The following CNTN5 variants were observed in gnomAD, a reference collection of about 807,000 sequenced individuals.
The protein encoded by CNTN5 is contactin 5.
A neutral mutation model predicts 129.1 loss-of-function variants in CNTN5; 77 were observed. The observed-to-expected ratio is 0.60, with a 90% CI of 0.50 to 0.72. The LOEUF (loss-of-function observed/expected upper bound fraction) is 0.72, where lower values mean the gene tolerates loss of function less well. Among genes scored for constraint, CNTN5 ranks in the 30% least tolerant of loss-of-function variants. The pLI, the probability that CNTN5 is intolerant of heterozygous loss-of-function variation, is 0.00. For synonymous variants in CNTN5, 509 were observed against 465.6 expected, an observed-to-expected ratio of 1.09 and a Z score of -1.20; for missense variants, 1,478 against 1,328.8, an observed-to-expected ratio of 1.11 and a Z score of -1.75.
intron 9 of CNTN5, among the ~76,000 whole-genome samples, chr11:100,046,004 T>C (rs1327027938): frequency 1.3e-5 from 2 of 151,998 alleles, no homozygotes; most frequent in African/African-American, 2.4e-5. Context: ...ATGTGCACAA[T>C]GTGCAGGTTA....
chr11:99,856,861 T>C (rs1375325813), intron 6 of CNTN5, among the ~76,000 whole-genome samples: 2 of 152,164 alleles, frequency 1.3e-5, no homozygotes, highest in African/African-American at 2.4e-5. Context: ...TCGTAAACTA[T>C]ATATATAGTC....
At chr11:99,361,715 A>C (rs1241973305) in intron 2 of CNTN5, among the ~76,000 whole-genome samples, 2 of 152,048 alleles carry the variant, frequency 1.3e-5, no homozygotes, top group East Asian at 3.8e-4. Context: ...TAGGTTCCTC[A>C]TATAAGTGGA....
intron 1 of CNTN5, among the ~76,000 whole-genome samples, chr11:99,282,345 G>C (rs77941198): frequency 0.094 from 14,344 of 152,008 alleles, 721 homozygotes; most frequent in Middle Eastern, 0.12. Flanking sequence ...GGTTCACTCA[G>C]AAGACAAGAT....
intron 3 of CNTN5, among the ~76,000 whole-genome samples, chr11:99,775,521 A>C (rs774482695): frequency 6.6e-5 from 10 of 152,044 alleles, no homozygotes; most frequent in Non-Finnish European, 7.4e-5. Context: ...AAACCTCATA[A>C]CTTTAAAAAA....
chr11:100,099,526 T>A (rs1200288781), intron 13 of CNTN5, among the ~76,000 whole-genome samples: 1 of 152,088 alleles, frequency 6.6e-6, no homozygotes. Context: ...TAAGGCATTT[T>A]ATAAAGTACT....
rs544171474 is a variant in CNTN5 at position 99,637,336 on chromosome 11, A to G, written c.55+81067A>G. On this transcript the variant is annotated intron_variant, in intron 3 of 24. Transcript: ENST00000524871. ...GATGTACACAGATCAACATGGATGA[A>G]TCACAATGTCATGATATCAAAGGAA... Among the ~76,000 whole-genome samples the G allele has an allele frequency of 5.3e-5, 8 of 152,256 alleles. No homozygotes were observed. In the South Asian group the frequency reaches 1.7e-3, roughly 31 times the overall value.
Position 99,427,473 on chromosome 11 carries a change from G to T in CNTN5, c.-71+101989G>T, listed in dbSNP as rs111970267. Among the ~76,000 whole-genome samples, 464 of 152,170 alleles carry T rather than the reference G, an allele frequency of 3.0e-3. 3 individuals are homozygous for T. The highest frequency in any genetic ancestry group is 8.4e-3 in the African/African-American group (349 of 41,550). ...GAAGTTAAGCTTTTGGATTAAAAGT[G>T]AAAATTTCTTGGGCCTGGCGCGGTG... On this transcript the variant is annotated intron_variant, in intron 2 of 24. Coordinates refer to ENST00000524871, the MANE Select transcript of CNTN5 (RefSeq NM_014361.4).
chr11:100,125,009 C>A (rs1025226568), intron 13 of CNTN5, among the ~76,000 whole-genome samples: 1 of 151,968 alleles, frequency 6.6e-6, no homozygotes, highest in Non-Finnish European at 1.5e-5. Context: ...TGGGGCGAGG[C>A]CTGGAAATTT....
At chr11:100,349,251 T>G (rs1011378073) in intron 23 of CNTN5, among the ~76,000 whole-genome samples, 12 of 151,948 alleles carry the variant, frequency 7.9e-5, no homozygotes, top group South Asian at 2.1e-4. Context: ...AAAGTATTTT[T>G]GGATTTTTTT....
chr11:99,906,047 G>A (rs1949495776), intron 6 of CNTN5, among the ~76,000 whole-genome samples: 1 of 152,132 alleles, frequency 6.6e-6, no homozygotes. Flanking sequence ...TGAGACGATA[G>A]GGTTTGCTAT....
At chr11:99,429,046 A>G (rs1405115681) in intron 2 of CNTN5, among the ~76,000 whole-genome samples, 1 of 152,182 alleles carries the variant, frequency 6.6e-6, no homozygotes, top group Non-Finnish European at 1.5e-5. Context: ...TATCTAGCAG[A>G]TATAATTATA....
intron 3 of CNTN5, among the ~76,000 whole-genome samples, chr11:99,731,147 C>T (rs1472412677): frequency 2.0e-5 from 3 of 151,328 alleles, no homozygotes; most frequent in East Asian, 1.9e-4. Context: ...CTTGCTCTGT[C>T]GCCCAGGCTG....
chr11:99,961,272 A>G (rs1258546876), intron 8 of CNTN5, among the ~76,000 whole-genome samples: 1 of 150,962 alleles, frequency 6.6e-6, no homozygotes, highest in African/African-American at 2.4e-5. Context: ...AAGGGTTTCC[A>G]TAAGAAGTGG....
chr11:99,415,078 T>C (rs755379150), intron 2 of CNTN5, among the ~76,000 whole-genome samples: 8 of 152,194 alleles, frequency 5.3e-5, no homozygotes, highest in Non-Finnish European at 1.0e-4. Context: ...TTTGGAATTA[T>C]AGGCGTGAAA....
intron 21 of CNTN5, among the ~76,000 whole-genome samples, chr11:100,311,245 A>T (rs954358167): frequency 6.6e-6 from 1 of 151,860 alleles, no homozygotes; most frequent in Non-Finnish European, 1.5e-5. Context: ...AATAAATTAC[A>T]TGTAGGCTAT....
chr11:100,187,409 C>G (rs906546937), intron 13 of CNTN5, among the ~76,000 whole-genome samples: 1 of 92,318 alleles, frequency 1.1e-5, no homozygotes, highest in Non-Finnish European at 2.1e-5. Context: ...AAGCTGCCAA[C>G]GGTTTTTTTT....
chr11:99,981,634 C>G (rs1201142858), intron 8 of CNTN5, among the ~76,000 whole-genome samples: 1 of 152,148 alleles, frequency 6.6e-6, no homozygotes, highest in Non-Finnish European at 1.5e-5. Flanking sequence ...TTAACCATCA[C>G]ACTCTCCAAA....
chr11:99,639,431 G>T (rs1308413991), intron 3 of CNTN5, among the ~76,000 whole-genome samples: 1 of 152,146 alleles, frequency 6.6e-6, no homozygotes, highest in Non-Finnish European at 1.5e-5. Context: ...TTTGCAGCCA[G>T]CTTAAATTTC....
At chr11:99,081,084 C>T (rs79196174) in intron 1 of CNTN5, among the ~76,000 whole-genome samples, 2 of 150,612 alleles carry the variant, frequency 1.3e-5, no homozygotes, top group Non-Finnish European at 2.9e-5. Context: ...ATATGCAGCC[C>T]CCTGAAATAT....
Sources: allele counts gnomAD v4.1 joint callset (sites outside exome capture counted in the v4.1 genomes callset), GRCh38; gene constraint gnomAD v4.1.1; transcripts MANE v1.5; gene names NCBI Gene and HGNC (gene_info 2026-07-23, HGNC 2026-07-21).